Variants in IGSF21 observed in about 807,000 individuals in gnomAD.
IGSF21 encodes the protein immunoglobulin superfamily member 21.
In IGSF21, 28 loss-of-function variants were observed where a neutral mutation model predicts 46.8. The ratio of observed to expected loss-of-function variants is 0.60; its 90% CI spans 0.44 to 0.82. IGSF21 has a LOEUF of 0.82. Among genes scored for constraint, IGSF21 ranks in the 40% least tolerant of loss-of-function variants. The pLI, the probability that IGSF21 is intolerant of heterozygous loss-of-function variation, is 0.00. For missense variants in IGSF21, 624 were observed against 665.5 expected (o/e 0.94, Z 0.69); for synonymous variants, 284 against 273.6 (o/e 1.04, Z -0.38).
intron 4 of IGSF21, among the ~76,000 whole-genome samples, chr1:18,360,524 T>A (rs556140681): frequency 6.6e-6 from 1 of 152,122 alleles, no homozygotes; most frequent in African/African-American, 2.4e-5. Flanking sequence ...CGGCACCTAG[T>A]AGGTGTCAGG....
At chr1:18,232,799 A>G (rs2084640757) in intron 2 of IGSF21, among the ~76,000 whole-genome samples, 1 of 152,208 alleles carries the variant, frequency 6.6e-6, no homozygotes, top group African/African-American at 2.4e-5. Context: ...ATGGAGCTAT[A>G]ATGTGCACCT....
chr1:18,376,677 A>G, intron 7 of IGSF21, 123 bp from the exon 8 acceptor site: 1 of 885,936 alleles, frequency 1.1e-6, no homozygotes. Flanking sequence ...AGTTCAGGGC[A>G]GCCACTCCTA....
chr1:18,237,558 T>C (rs6666657), intron 2 of IGSF21, among the ~76,000 whole-genome samples: 4,409 of 152,284 alleles, frequency 0.029, 231 homozygotes, highest in African/African-American at 0.1. Context: ...CTTCATCTTC[T>C]CTTTTCCGCC....
intron 2 of IGSF21, among the ~76,000 whole-genome samples, chr1:18,231,241 C>A (rs919899072): frequency 5.9e-5 from 9 of 152,208 alleles, no homozygotes; most frequent in African/African-American, 2.2e-4. Flanking sequence ...AGGGATCATC[C>A]TGAGCTGTCA....
Position 18,161,917 on chromosome 1 carries a change from C to T in IGSF21, c.70+53719C>T, listed in dbSNP as rs113405629. Among the ~76,000 whole-genome samples the T allele has an allele frequency of 2.7e-3, 418 of 152,238 alleles. 2 individuals are homozygous for T. Among genetic ancestry groups the T allele is most frequent in the African/African-American group, 9.8e-3 (408 of 41,548 alleles). On this transcript the variant is annotated intron_variant, in intron 1 of 9. Transcript: ENST00000251296. ...GGCAGGGCACTTAACGTCTCTGAGC[C>T]TCTGTTTTCTCATCTGCAAAAGGGG...
chr1:18,181,506 G>T (rs1348521411), intron 1 of IGSF21, among the ~76,000 whole-genome samples: 1 of 152,168 alleles, frequency 6.6e-6, no homozygotes, highest in Non-Finnish European at 1.5e-5. Context: ...CTGGCAGGGA[G>T]CAGGGCACCA....
intron 1 of IGSF21, among the ~76,000 whole-genome samples, chr1:18,179,683 CT>C (rs1350382125): frequency 6.6e-6 from 1 of 151,990 alleles, no homozygotes; most frequent in Admixed American, 6.6e-5. Context: ...GAAGCAGGAA[CT>C]GGTGAGGAGG....
At chr1:18,221,663 A>T (rs1267620391) in intron 1 of IGSF21, among the ~76,000 whole-genome samples, 1 of 152,208 alleles carries the variant, frequency 6.6e-6, no homozygotes, top group Non-Finnish European at 1.5e-5. Flanking sequence ...GGCACCATCC[A>T]GGATAATGAA....
At chr1:18,359,331 AG>A in intron 4 of IGSF21, among the ~76,000 whole-genome samples, 1 of 82,940 alleles carries the variant, frequency 1.2e-5, no homozygotes, top group South Asian at 5.2e-4. Context: ...AGAGAGAAAG[AG>A]AAAGAAAAAG....
rs1299147310 is a variant in IGSF21 at position 18,376,292 on chromosome 1, G to T, written c.1016-18G>T. ...TCCTTTCCTTACTCTCTCTGACCTG[G>T]CCTTTCTCTCCCTACAGTTGCCCCC... On this transcript the variant is annotated intron_variant, in intron 6 of 9. Coordinates refer to ENST00000251296, the MANE Select transcript of IGSF21 (RefSeq NM_032880.5). 6.4e-7 allele frequency: 1 copy of T among 1,563,978 alleles called. No homozygotes were observed. The highest frequency in any genetic ancestry group is 1.7e-5 in the Admixed American group (1 of 59,956).
chr1:18,279,683 G>A (rs1446380842), intron 2 of IGSF21, among the ~76,000 whole-genome samples: 1 of 152,218 alleles, frequency 6.6e-6, no homozygotes, highest in Non-Finnish European at 1.5e-5. Flanking sequence ...CTGGCTGCTG[G>A]AGCTCGTGGT....
chr1:18,248,907 C>T (rs372464386), intron 2 of IGSF21, among the ~76,000 whole-genome samples: 2 of 152,026 alleles, frequency 1.3e-5, no homozygotes, highest in South Asian at 2.1e-4. Context: ...ATGGACCCCC[C>T]CAAGCCAGAC....
intron 1 of IGSF21, among the ~76,000 whole-genome samples, chr1:18,157,272 C>T (rs1317261955): frequency 6.6e-6 from 1 of 152,242 alleles, no homozygotes; most frequent in Non-Finnish European, 1.5e-5. Flanking sequence ...CTAGCTCTTT[C>T]TTTGGAGGGC....
In IGSF21 at chr1:18,378,318, C is replaced by G. The variant is rs1296248401; in HGVS notation, c.1396C>G (p.Leu466Val). 4 of 1,613,312 alleles carry G rather than the reference C, an allele frequency of 2.5e-6. No homozygotes were observed. Among genetic ancestry groups the G allele is most frequent in the Non-Finnish European group, 3.4e-6 (4 of 1,179,646 alleles). Residue 466 changes from leucine (L) to valine (V), a missense_variant, in exon 10 of 10, where the codon CTG (leucine) becomes GTG (valine). Coordinates refer to ENST00000251296, the MANE Select transcript of IGSF21 (RefSeq NM_032880.5). Reference sequence around the variant, plus strand: ...GCTCGCCCTGACAGTGATTCTGGAGCTGACGTGAAGGCACCCGCCCCGGCC... The same window carrying G: ...GCTCGCCCTGACAGTGATTCTGGAGGTGACGTGAAGGCACCCGCCCCGGCC... ...LVLALTVILELT is the reference protein window; with the variant it reads ...LVLALTVILEVT
chr1:18,130,351 A>C (rs1335977856), intron 1 of IGSF21, among the ~76,000 whole-genome samples: 1 of 152,220 alleles, frequency 6.6e-6, no homozygotes. Context: ...GAGAAAAGAC[A>C]GAAACGGAGC....
At chr1:18,176,659 C>G (rs1031018284) in intron 1 of IGSF21, among the ~76,000 whole-genome samples, 1 of 152,186 alleles carries the variant, frequency 6.6e-6, no homozygotes, top group Non-Finnish European at 1.5e-5. Context: ...ACCCTGTGAC[C>G]TTCTTCCCAC....
At chr1:18,368,992 C>T (rs748785504) in intron 6 of IGSF21, among the ~76,000 whole-genome samples, 5 of 152,212 alleles carry the variant, frequency 3.3e-5, no homozygotes, top group Non-Finnish European at 7.3e-5. Flanking sequence ...GGATCCCAGG[C>T]CCTCCCTTAA....
At chr1:18,258,091 A>G (rs563258189) in intron 2 of IGSF21, among the ~76,000 whole-genome samples, 18 of 152,308 alleles carry the variant, frequency 1.2e-4, no homozygotes, top group African/African-American at 4.3e-4. Context: ...GGCTTCTTCA[A>G]TTCCTTTGGG....
At chr1:18,328,896 G>T (rs4920312) in intron 3 of IGSF21, among the ~76,000 whole-genome samples, 1 of 151,978 alleles carries the variant, frequency 6.6e-6, no homozygotes, top group Admixed American at 6.5e-5. Flanking sequence ...CGTGTGGGGC[G>T]TGGAGAATGT....
Sources: allele counts gnomAD v4.1 joint callset (sites outside exome capture counted in the v4.1 genomes callset), GRCh38; gene constraint gnomAD v4.1.1; transcripts MANE v1.5; gene names NCBI Gene and HGNC (gene_info 2026-07-23, HGNC 2026-07-21).